Variants in PACRG observed in about 807,000 individuals in gnomAD.
The protein encoded by PACRG is parkin coregulated gene protein.
PACRG carries 29 observed loss-of-function variants against 29.7 expected under a neutral mutation model. The ratio of observed to expected loss-of-function variants is 0.98; its 90% CI spans 0.73 to 1.33. PACRG has a LOEUF of 1.33. Among genes scored for constraint, PACRG ranks in the 40% most tolerant of loss-of-function variants. The pLI, the probability that PACRG is intolerant of heterozygous loss-of-function variation, is 0.00. For missense variants in PACRG, 279 were observed against 316.2 expected, an observed-to-expected ratio of 0.88 and a Z score of 0.89; for synonymous variants, 116 against 118.7, an observed-to-expected ratio of 0.98 and a Z score of 0.15.
At chr6:162,898,502 A>T (rs1795328422) in intron 2 of PACRG, among the ~76,000 whole-genome samples, 1 of 152,352 alleles carries the variant, frequency 6.6e-6, no homozygotes, top group South Asian at 2.1e-4. Context: ...AGAAATTTTC[A>T]CACAATGGAA....
chr6:162,757,820 T>C (rs1782047716), intron 1 of PACRG, among the ~76,000 whole-genome samples: 1 of 151,930 alleles, frequency 6.6e-6, no homozygotes, highest in Non-Finnish European at 1.5e-5. Context: ...ATATCAATAA[T>C]AAAAAGACCA....
chr6:162,883,684 CTGTGTGTGTGTGTG>C (rs144543802), intron 2 of PACRG, among the ~76,000 whole-genome samples: 5 of 145,742 alleles, frequency 3.4e-5, no homozygotes, highest in African/African-American at 1.0e-4. Flanking sequence ...TTTTCAAAAA[CTGTGTGTGTGTGTG>C]TGTGTGTGTG....
At chr6:162,917,212 A>G (rs116146192) in intron 2 of PACRG, among the ~76,000 whole-genome samples, 2,764 of 152,244 alleles carry the variant, frequency 0.018, 80 homozygotes, top group African/African-American at 0.061. Context: ...TCCATTATAC[A>G]GTGAGGTAAT....
At chr6:163,303,698 T>C (rs1027462890) in intron 4 of PACRG, among the ~76,000 whole-genome samples, 6 of 152,058 alleles carry the variant, frequency 3.9e-5, no homozygotes. Flanking sequence ...TTCTTCTTCT[T>C]GGAGCAAAAG....
chr6:162,904,105 T>A (rs1040057649), intron 2 of PACRG, among the ~76,000 whole-genome samples: 1 of 152,170 alleles, frequency 6.6e-6, no homozygotes, highest in Non-Finnish European at 1.5e-5. Context: ...CTAGATTCCT[T>A]CCTCCTCCTT....
At chr6:162,832,500 T>G (rs1788866635) in intron 2 of PACRG, among the ~76,000 whole-genome samples, 1 of 152,218 alleles carries the variant, frequency 6.6e-6, no homozygotes, top group Non-Finnish European at 1.5e-5. Context: ...AATAAAATTC[T>G]TGCTATATTT....
chr6:163,060,448 T>C (rs1317738459), intron 2 of PACRG, among the ~76,000 whole-genome samples: 1 of 152,100 alleles, frequency 6.6e-6, no homozygotes, highest in African/African-American at 2.4e-5. Flanking sequence ...CACATAAATC[T>C]CTGAGAAAAT....
intron 4 of PACRG, among the ~76,000 whole-genome samples, chr6:163,125,651 C>T (rs79399914): frequency 0.01 from 1,553 of 152,218 alleles, 28 homozygotes; most frequent in African/African-American, 0.036. Context: ...AAATTCAAAC[C>T]GCTATGAAAT....
chr6:163,100,557 C>G (rs73786962), intron 4 of PACRG, among the ~76,000 whole-genome samples: 2 of 152,152 alleles, frequency 1.3e-5, no homozygotes, highest in Non-Finnish European at 2.9e-5. Context: ...CCCCGCGACT[C>G]TTTAAGCAGT....
At chr6:162,959,619 G>A (rs1295128645) in intron 2 of PACRG, among the ~76,000 whole-genome samples, 1 of 152,176 alleles carries the variant, frequency 6.6e-6, no homozygotes, top group Admixed American at 6.5e-5. Context: ...GGAATAACAT[G>A]ATCTGACTTA....
intron 2 of PACRG, among the ~76,000 whole-genome samples, chr6:162,947,451 CAT>C (rs1310525330): frequency 0.025 from 667 of 26,438 alleles, 10 homozygotes; most frequent in Non-Finnish European, 0.036. Context: ...TATATATAAT[CAT>C]ATATATAATC....
intron 2 of PACRG, among the ~76,000 whole-genome samples, chr6:162,938,713 A>G (rs970667446): frequency 1.3e-5 from 2 of 152,138 alleles, no homozygotes; most frequent in African/African-American, 4.8e-5. Context: ...GTAAGGTGGC[A>G]TTGCATTGTG....
chr6:163,193,639 A>C (rs925562020), intron 4 of PACRG, among the ~76,000 whole-genome samples: 2 of 152,160 alleles, frequency 1.3e-5, no homozygotes, highest in Admixed American at 6.5e-5. Flanking sequence ...TTCTTTCTTT[A>C]TTTTTATTAA....
At chr6:163,193,684 G>C (rs1053079018) in intron 4 of PACRG, among the ~76,000 whole-genome samples, 4 of 151,770 alleles carry the variant, frequency 2.6e-5, no homozygotes, top group Non-Finnish European at 5.9e-5. Flanking sequence ...TATTGAACTC[G>C]ACAAATTTTC....
At chr6:163,286,226 G>T (rs1437797133) in intron 4 of PACRG, among the ~76,000 whole-genome samples, 1 of 152,102 alleles carries the variant, frequency 6.6e-6, no homozygotes, top group Admixed American at 6.5e-5. Context: ...TGTTACAATT[G>T]GTATGGAAAG....
chr6:163,285,498 C>A (rs1784368615), intron 4 of PACRG, among the ~76,000 whole-genome samples: 1 of 152,204 alleles, frequency 6.6e-6, no homozygotes, highest in African/African-American at 2.4e-5. Flanking sequence ...TTTCTGTCAA[C>A]CACTGTATCC....
At position 162,777,020 on chromosome 6, in the gene PACRG, TCAC is replaced by T. The variant is rs1478006664; in HGVS notation, c.157-37123_157-37121del. On this transcript the variant is annotated intron_variant, in intron 1 of 4. Transcript: ENST00000366888. This position sits in a 1 kb window ranked among gnomAD's most constrained non-coding sequence, Gnocchi z 4.0. ...GCTGGGTGCACCTGAATCTCCGAAA[TCAC>T]CACTAAAGAACTTATTCATGTAACC... 6.6e-6 allele frequency among the ~76,000 whole-genome samples: 1 copy of T among 152,066 alleles called. No individual in the cohort carries two copies.
Position 163,312,813 on chromosome 6 carries a change from C to T in PACRG, c.614-2014C>T, listed in dbSNP as rs372610248. 2.2e-4 allele frequency: 95 copies of T among 433,340 alleles called. 1 individual carries two copies. In the East Asian group the frequency reaches 2.5e-3, roughly 12 times the overall value. The allele number at this position is 433,340 out of a possible 1,614,324, so 26.8% of individuals were successfully genotyped here. A position where few individuals can be genotyped will look rare whatever the true frequency, so the allele number is the denominator to read the frequency against. On this transcript the variant is annotated intron_variant, in intron 4 of 4. Transcript: ENST00000366888. ...CTTTGCCCAGGCTGGAGTGCAGTGG[C>T]GCGATCATGGCTCGTTGCAACCTCG...
chr6:163,110,020 A>C (rs1815620245), intron 4 of PACRG, among the ~76,000 whole-genome samples: 1 of 147,954 alleles, frequency 6.8e-6, no homozygotes, highest in Non-Finnish European at 1.5e-5. Flanking sequence ...TTGGCCACTG[A>C]GATTTCTAGT....
Sources: allele counts gnomAD v4.1 joint callset (sites outside exome capture counted in the v4.1 genomes callset), GRCh38; gene constraint gnomAD v4.1.1; non-coding constraint Gnocchi (gnomAD v3.1); transcripts MANE v1.5; gene names NCBI Gene and HGNC (gene_info 2026-07-23, HGNC 2026-07-21).